Variants in PTPRG observed in about 807,000 individuals in gnomAD.
PTPRG encodes the protein receptor-type tyrosine-protein phosphatase gamma.
In PTPRG, 102 loss-of-function variants were observed where a neutral mutation model predicts 165.3. The ratio of observed to expected loss-of-function variants is 0.62; its 90% CI spans 0.53 to 0.73. PTPRG has a LOEUF of 0.73. Among genes scored for constraint, PTPRG ranks in the 30% least tolerant of loss-of-function variants. The pLI is 0.00. For missense variants in PTPRG, 1,866 were observed against 1,861.4 expected (o/e 1.00, Z -0.05); for synonymous variants, 675 against 669.5 (o/e 1.01, Z -0.13).
rs562323458 is a variant in PTPRG at position 61,857,176 on chromosome 3, G to A, written c.190+108194G>A. On this transcript the variant is annotated intron_variant, in intron 2 of 29. Coordinates refer to ENST00000474889, the MANE Select transcript of PTPRG (RefSeq NM_002841.4). ...AGGTAACCAATGCCTCATCACTCCA[G>A]AAATCTCATATTGTAAAATCTTTAG... Among the ~76,000 whole-genome samples the A allele has an allele frequency of 3.3e-5, 5 of 151,978 alleles. No homozygotes were observed. In the East Asian group the frequency reaches 9.7e-4, roughly 29 times the overall value.
intron 5 of PTPRG, among the ~76,000 whole-genome samples, chr3:62,090,253 C>G (rs1701883441): frequency 6.6e-6 from 1 of 152,110 alleles, no homozygotes; most frequent in South Asian, 2.1e-4. Context: ...GCTTGGCATC[C>G]CTGAACACCA....
At chr3:61,905,994 G>A (rs2038638809) in intron 2 of PTPRG, among the ~76,000 whole-genome samples, 1 of 151,990 alleles carries the variant, frequency 6.6e-6, no homozygotes, top group African/African-American at 2.4e-5. Context: ...TTTCATTAGT[G>A]TGTTTTATTT....
intron 2 of PTPRG, among the ~76,000 whole-genome samples, chr3:61,945,419 C>A (rs531811432): frequency 6.6e-6 from 1 of 151,624 alleles, no homozygotes; most frequent in Non-Finnish European, 1.5e-5. Flanking sequence ...ATTAGGTGGG[C>A]GTGATGGTAG....
intron 6 of PTPRG, among the ~76,000 whole-genome samples, chr3:62,145,816 C>T (rs78422965): frequency 2.6e-5 from 4 of 152,276 alleles, no homozygotes; most frequent in Admixed American, 1.3e-4. Flanking sequence ...GAGAGATGAG[C>T]GAATGTATCC....
intron 1 of PTPRG, among the ~76,000 whole-genome samples, chr3:61,607,553 C>T (rs981631068): frequency 1.3e-5 from 2 of 152,102 alleles, no homozygotes; most frequent in East Asian, 3.8e-4. Flanking sequence ...TCTTTTAAAC[C>T]TTACTTTTTT....
Position 61,632,748 on chromosome 3 carries a change from A to G in PTPRG, c.85+70376A>G, listed in dbSNP as rs548898021. ...CATGTGTTTAAGTTGAGCATTTCTG[A>G]CCAATTATTTCACAAAGAACTAGAG... is the stretch of plus-strand genomic sequence containing the variant. On this transcript the variant is annotated intron_variant, in intron 1 of 29. Coordinates refer to ENST00000474889, the MANE Select transcript of PTPRG (RefSeq NM_002841.4). 4.7e-4 allele frequency among the ~76,000 whole-genome samples: 72 copies of G among 152,266 alleles called. 5 individuals carry two copies. In the South Asian group the frequency reaches 0.015, roughly 32 times the overall value.
chr3:62,027,125 C>G (rs4589928), intron 4 of PTPRG, among the ~76,000 whole-genome samples: 1 of 151,522 alleles, frequency 6.6e-6, no homozygotes, highest in South Asian at 2.1e-4. Context: ...ATAGATCCCC[C>G]TTCTCCATGG....
intron 2 of PTPRG, among the ~76,000 whole-genome samples, chr3:61,780,796 C>T (rs2034525189): frequency 6.6e-6 from 1 of 152,174 alleles, no homozygotes; most frequent in African/African-American, 2.4e-5. Context: ...TTAGGCACTC[C>T]TGCCAATGAG....
At position 62,076,723 on chromosome 3, in the gene PTPRG, A is replaced by C. The variant is rs1456675909; in HGVS notation, c.520-1440A>C. 2.0e-5 allele frequency among the ~76,000 whole-genome samples: 3 copies of C among 151,986 alleles called. No homozygotes were observed. The South Asian group carries it at 6.2e-4, about 32-fold the overall frequency. ...CAGCCTCCCGAGTAGCTGGGATTGC[A>C]GGCATGCACCACCATGCCTGGCTAA... On this transcript the variant is annotated intron_variant, in intron 4 of 29. Coordinates refer to ENST00000474889, the MANE Select transcript of PTPRG (RefSeq NM_002841.4).
intron 6 of PTPRG, among the ~76,000 whole-genome samples, chr3:62,134,998 G>A (rs955559749): frequency 3.3e-5 from 5 of 152,124 alleles, no homozygotes; most frequent in African/African-American, 4.8e-5. Context: ...GGAGGCCAGG[G>A]GCAGTGGCTC....
chr3:62,080,648 T>A (rs979519565), intron 5 of PTPRG, among the ~76,000 whole-genome samples: 1 of 152,188 alleles, frequency 6.6e-6, no homozygotes. Context: ...AAAAAAACTT[T>A]TTAATGTTTT....
At chr3:61,841,986 A>G (rs570968096) in intron 2 of PTPRG, among the ~76,000 whole-genome samples, 30 of 152,358 alleles carry the variant, frequency 2.0e-4, no homozygotes, top group Non-Finnish European at 4.3e-4. Context: ...TGGTATGCAC[A>G]GAGTTTGTTG....
chr3:62,139,555 T>A (rs1207741543), intron 6 of PTPRG, among the ~76,000 whole-genome samples: 1 of 152,204 alleles, frequency 6.6e-6, no homozygotes, highest in Non-Finnish European at 1.5e-5. Context: ...CTCTCGGTCT[T>A]CCCTTCCCTG....
intron 1 of PTPRG, among the ~76,000 whole-genome samples, chr3:61,621,256 G>A (rs955523774): frequency 1.3e-5 from 2 of 152,146 alleles, no homozygotes; most frequent in Non-Finnish European, 2.9e-5. Context: ...TGACCAGCAG[G>A]AATCCTGCCT....
At chr3:61,864,488 C>G (rs1411507124) in intron 2 of PTPRG, among the ~76,000 whole-genome samples, 1 of 152,134 alleles carries the variant, frequency 6.6e-6, no homozygotes, top group Non-Finnish European at 1.5e-5. Flanking sequence ...ACTGAGCATT[C>G]AAGGATTTTG....
At chr3:62,248,142 G>A (rs983708275) in intron 15 of PTPRG, among the ~76,000 whole-genome samples, 1 of 152,110 alleles carries the variant, frequency 6.6e-6, no homozygotes, top group Non-Finnish European at 1.5e-5. Flanking sequence ...CAAAATGCAA[G>A]AGTATTTATC....
At chr3:61,938,582 T>C (rs1487261183) in intron 2 of PTPRG, among the ~76,000 whole-genome samples, 1 of 152,246 alleles carries the variant, frequency 6.6e-6, no homozygotes, top group East Asian at 1.9e-4. Context: ...GTGTTCCGCT[T>C]ATGTTAGTTA....
At chr3:61,755,131 CT>C (rs1186997242) in intron 2 of PTPRG, among the ~76,000 whole-genome samples, 1 of 152,180 alleles carries the variant, frequency 6.6e-6, no homozygotes, top group African/African-American at 2.4e-5. Flanking sequence ...CCTGCACCTC[CT>C]GAGTGTCTGG....
chr3:61,822,388 T>C (rs2035980930), intron 2 of PTPRG, among the ~76,000 whole-genome samples: 1 of 152,140 alleles, frequency 6.6e-6, no homozygotes, highest in Non-Finnish European at 1.5e-5. Flanking sequence ...GACTTCAGAG[T>C]TAACTATTTC....
Sources: allele counts gnomAD v4.1 joint callset (sites outside exome capture counted in the v4.1 genomes callset), GRCh38; gene constraint gnomAD v4.1.1; transcripts MANE v1.5; gene names NCBI Gene and HGNC (gene_info 2026-07-23, HGNC 2026-07-21).